PTPRD: variants seen among roughly 807,000 people sequenced by gnomAD.
The protein encoded by PTPRD is receptor-type tyrosine-protein phosphatase delta.
A neutral mutation model predicts 214.5 loss-of-function variants in PTPRD; 34 were observed. The observed-to-expected ratio is 0.16, with a 90% CI of 0.12 to 0.21. The LOEUF is 0.21. PTPRD is among the 10% of genes least tolerant of loss of function. The probability of loss-of-function intolerance (pLI) is 1.00; values close to 1 mark genes in which losing one functional copy is unlikely to be tolerated. For synonymous variants in PTPRD, 1,128 were observed against 845.7 expected, an observed-to-expected ratio of 1.33 and a Z score of -5.79; for missense variants, 2,545 against 2,398.7, an observed-to-expected ratio of 1.06 and a Z score of -1.27.
At chr9:9,361,533 T>A (rs931428443) in intron 9 of PTPRD, among the ~76,000 whole-genome samples, 3 of 151,034 alleles carry the variant, frequency 2.0e-5, no homozygotes, top group Non-Finnish European at 4.5e-5. Flanking sequence ...TCTTTTTTTT[T>A]ATTGATACAT....
chr9:9,180,360 T>C (rs1230416990), intron 10 of PTPRD, among the ~76,000 whole-genome samples: 1 of 147,130 alleles, frequency 6.8e-6, no homozygotes, highest in Non-Finnish European at 1.5e-5. Context: ...AAAAACCAAA[T>C]ACCGCATATT....
chr9:8,533,983 T>C (rs2076319839), intron 14 of PTPRD, among the ~76,000 whole-genome samples: 1 of 152,054 alleles, frequency 6.6e-6, no homozygotes, highest in African/African-American at 2.4e-5. Context: ...GGCAAAGCTA[T>C]CTCATAGTCT....
intron 8 of PTPRD, among the ~76,000 whole-genome samples, chr9:9,479,227 CCCA>C (rs1377837233): frequency 3.6e-4 from 35 of 98,298 alleles, no homozygotes; most frequent in East Asian, 2.0e-3. Context: ...CCCCCCCCCC[CCCA>C]CACACACACC....
intron 35 of PTPRD, among the ~76,000 whole-genome samples, chr9:8,414,445 G>C (rs562760807): frequency 4.3e-4 from 65 of 152,278 alleles, no homozygotes; most frequent in Non-Finnish European, 8.7e-4. Flanking sequence ...AGCAGTATGG[G>C]TTTATACAAT....
chr9:9,480,298 T>C (rs943826862), intron 8 of PTPRD, among the ~76,000 whole-genome samples: 4 of 152,192 alleles, frequency 2.6e-5, no homozygotes, highest in Admixed American at 2.0e-4. Context: ...CTAAGTTAAG[T>C]TCGGCTTGAG....
At chr9:8,677,109 T>A (rs2097439091) in intron 12 of PTPRD, among the ~76,000 whole-genome samples, 1 of 152,200 alleles carries the variant, frequency 6.6e-6, no homozygotes, top group South Asian at 2.1e-4. Context: ...TGCACTTTAA[T>A]AAAAAATTAA....
chr9:10,608,263 T>C (rs1431979592), intron 2 of PTPRD, among the ~76,000 whole-genome samples: 1 of 151,960 alleles, frequency 6.6e-6, no homozygotes, highest in African/African-American at 2.4e-5. Flanking sequence ...TCTTCTCATA[T>C]CCTTCTGATA....
chr9:10,302,073 T>A (rs1243036968), intron 3 of PTPRD, among the ~76,000 whole-genome samples: 1 of 152,166 alleles, frequency 6.6e-6, no homozygotes, highest in African/African-American at 2.4e-5. Flanking sequence ...AGCGGATCTC[T>A]TGGCAGAAAC....
At chr9:9,547,065 T>C (rs892316792) in intron 8 of PTPRD, among the ~76,000 whole-genome samples, 1 of 151,952 alleles carries the variant, frequency 6.6e-6, no homozygotes, top group Non-Finnish European at 1.5e-5. Context: ...CTTGTATGCT[T>C]GGTAACAACA....
intron 10 of PTPRD, among the ~76,000 whole-genome samples, chr9:9,143,617 T>C (rs2099863804): frequency 6.6e-6 from 1 of 152,206 alleles, no homozygotes; most frequent in Non-Finnish European, 1.5e-5. Context: ...ATCATCCCAA[T>C]ATGGGTCTCT....
At chr9:8,520,510 T>G (rs2097865882) in intron 20 of PTPRD, among the ~76,000 whole-genome samples, 1 of 152,172 alleles carries the variant, frequency 6.6e-6, no homozygotes, top group African/African-American at 2.4e-5. Flanking sequence ...ATAATTTGTG[T>G]TCATTTTGCA....
intron 2 of PTPRD, among the ~76,000 whole-genome samples, chr9:10,449,250 G>A (rs1183189908): frequency 2.0e-5 from 3 of 151,858 alleles, no homozygotes; most frequent in African/African-American, 4.9e-5. Context: ...CGCGTTGGCC[G>A]GGCTGGTCTC....
At chr9:10,138,280 A>C (rs908875623) in intron 3 of PTPRD, among the ~76,000 whole-genome samples, 10 of 152,106 alleles carry the variant, frequency 6.6e-5, no homozygotes, top group African/African-American at 1.9e-4. Flanking sequence ...ACAAAGTAGG[A>C]AATCCAGAGG....
At chr9:9,135,471 C>G (rs1027853320) in intron 10 of PTPRD, among the ~76,000 whole-genome samples, 1 of 152,076 alleles carries the variant, frequency 6.6e-6, no homozygotes, top group African/African-American at 2.4e-5. Context: ...TGGCTGCCAC[C>G]AGGACTTCTT....
chr9:9,527,841 C>T (rs1280170553), intron 8 of PTPRD, among the ~76,000 whole-genome samples: 4 of 152,016 alleles, frequency 2.6e-5, no homozygotes, highest in East Asian at 1.9e-4. Context: ...CTACCAACTC[C>T]GTAAACTCAG....
chr9:8,386,885 T>C (rs1040923210), intron 37 of PTPRD, among the ~76,000 whole-genome samples: 1 of 152,074 alleles, frequency 6.6e-6, no homozygotes, highest in African/African-American at 2.4e-5. Context: ...GCAGATGAAA[T>C]AATATGAGGC....
intron 4 of PTPRD, among the ~76,000 whole-genome samples, chr9:9,983,508 T>C (rs1422887273): frequency 2.0e-5 from 3 of 152,184 alleles, no homozygotes; most frequent in Non-Finnish European, 4.4e-5. Flanking sequence ...AACAATAAAA[T>C]ACAGGCAAAG....
intron 43 of PTPRD, among the ~76,000 whole-genome samples, chr9:8,333,367 G>T (rs1029318142): frequency 6.6e-6 from 1 of 152,078 alleles, no homozygotes. Flanking sequence ...CCTTCTATTT[G>T]GAGGAGAGAC....
chr9:10,318,278 G>C (rs897678985), intron 3 of PTPRD, among the ~76,000 whole-genome samples: 2 of 151,978 alleles, frequency 1.3e-5, no homozygotes, highest in African/African-American at 2.4e-5. Context: ...GTCAGAAGAT[G>C]GGCATCAGCA....
Sources: allele counts gnomAD v4.1 joint callset (sites outside exome capture counted in the v4.1 genomes callset), GRCh38; gene constraint gnomAD v4.1.1; transcripts MANE v1.5; gene names NCBI Gene and HGNC (gene_info 2026-07-23, HGNC 2026-07-21).